CFAP61: variants seen among roughly 807,000 people sequenced by gnomAD.
The protein encoded by CFAP61 is cilia and flagella associated protein 61, also known as cilia- and flagella-associated protein 61.
A neutral mutation model predicts 135.6 loss-of-function variants in CFAP61; 107 were observed. The observed-to-expected ratio is 0.79, with a 90% CI of 0.67 to 0.93. The LOEUF (loss-of-function observed/expected upper bound fraction) is 0.93. Ranked by LOEUF, CFAP61 falls within the 40% of genes least tolerant of loss-of-function variation. The probability of loss-of-function intolerance (pLI) is 0.00; values close to 1 mark genes in which losing one functional copy is unlikely to be tolerated. For missense variants in CFAP61, 1,507 were observed against 1,556.2 expected, an observed-to-expected ratio of 0.97 and a Z score of 0.53; for synonymous variants, 575 against 578.5, an observed-to-expected ratio of 0.99 and a Z score of 0.09.
At chr20:20,188,816 T>C (rs1234766882) in intron 14 of CFAP61, among the ~76,000 whole-genome samples, 1 of 152,234 alleles carries the variant, frequency 6.6e-6, no homozygotes, top group Non-Finnish European at 1.5e-5. Flanking sequence ...AACCAGCACA[T>C]GTTTTAAGAA....
chr20:20,145,690 A>G (rs949156805), intron 9 of CFAP61, among the ~76,000 whole-genome samples: 9 of 152,224 alleles, frequency 5.9e-5, no homozygotes, highest in African/African-American at 1.9e-4. Context: ...GGAAAAGGAT[A>G]CACCATGCCA....
chr20:20,091,077 C>T (rs2047166131), intron 7 of CFAP61, 101 bp downstream of exon 7: 1 of 1,372,104 alleles, frequency 7.3e-7, no homozygotes, highest in African/African-American at 1.4e-5. Flanking sequence ...CTGCCATTGT[C>T]TCCCTGGCCA....
intron 8 of CFAP61, among the ~76,000 whole-genome samples, chr20:20,115,069 A>G (rs2049045892): frequency 6.6e-6 from 1 of 152,164 alleles, no homozygotes; most frequent in Non-Finnish European, 1.5e-5. Context: ...ATTTCAATTT[A>G]GTCTTGATAT....
At position 20,090,940 on chromosome 20, in the gene CFAP61, G is replaced by T. The variant is rs747274818; in HGVS notation, c.663G>T (p.Glu221Asp). The change falls in exon 7 of 27, where the codon GAG becomes GAT. Residue 221 changes from glutamate to aspartate, a missense_variant. Transcript: ENST00000245957. ...YGEYFLAELI[E>D]AQDEENHAVV... is the part of the protein sequence containing the mutation. Reference sequence around the variant, plus strand: ...AATACTTCCTGGCCGAACTAATAGAGGCCCAAGATGAAGAGAATCATGCTG... The same window carrying T: ...AATACTTCCTGGCCGAACTAATAGATGCCCAAGATGAAGAGAATCATGCTG... 5 of 1,614,120 alleles carry T rather than the reference G, an allele frequency of 3.1e-6. No individual in the cohort carries two copies. The Admixed American group carries it at 8.3e-5, about 27-fold the overall frequency.
intron 8 of CFAP61, among the ~76,000 whole-genome samples, chr20:20,114,865 C>A (rs1384813356): frequency 6.6e-6 from 1 of 152,102 alleles, no homozygotes; most frequent in African/African-American, 2.4e-5. Context: ...TGTGAATACT[C>A]ATTATCAGGT....
chr20:20,093,417 C>T (rs973622034), intron 7 of CFAP61, among the ~76,000 whole-genome samples: 2 of 149,064 alleles, frequency 1.3e-5, no homozygotes, highest in African/African-American at 4.9e-5. Flanking sequence ...TATTAAAAAC[C>T]ATTGAATTGT....
At position 20,135,079 on chromosome 20, in the gene CFAP61, A is replaced by C. The variant is rs1206925078; in HGVS notation, c.860-7778A>C. Among the ~76,000 whole-genome samples, 10 of 152,226 alleles carry C rather than the reference A, an allele frequency of 6.6e-5. No homozygotes were observed. The East Asian group carries it at 1.7e-3, about 26-fold the overall frequency. On this transcript the variant is annotated intron_variant, in intron 8 of 26. Coordinates refer to ENST00000245957, the MANE Select transcript of CFAP61 (RefSeq NM_015585.4). ...ATGCTATCACAGGCATCCTGTGATA[A>C]GGGAGAGACAGAGGGAGATTATAAA...
At chr20:20,175,404 CTG>C (rs2054534268) in intron 13 of CFAP61, among the ~76,000 whole-genome samples, 2 of 152,222 alleles carry the variant, frequency 1.3e-5, no homozygotes, top group African/African-American at 2.4e-5. Context: ...TTTTCTGAAT[CTG>C]TGTTGCTAAC....
chr20:20,055,507 A>C (rs1360915001), intron 1 of CFAP61, among the ~76,000 whole-genome samples: 2 of 152,222 alleles, frequency 1.3e-5, no homozygotes, highest in Non-Finnish European at 2.9e-5. Flanking sequence ...AGTGAGGTCC[A>C]TTCTATCCCC....
In CFAP61 at chr20:20,066,428, A is replaced by T. The variant is rs148802538; in HGVS notation, c.144-4426A>T. 1.9e-3 allele frequency among the ~76,000 whole-genome samples: 283 copies of T among 152,352 alleles called. 7 individuals carry two copies. In the East Asian group the frequency reaches 0.042, roughly 23 times the overall value. On this transcript the variant is annotated intron_variant, in intron 2 of 26. Coordinates refer to ENST00000245957, the MANE Select transcript of CFAP61 (RefSeq NM_015585.4). ...AATAGCAAAGACTTGGAACCAACCC[A>T]AATGTCCATCAATAATAGACTGGAT...
rs373873090 is a variant in CFAP61 at position 20,159,335 on chromosome 20, G to C, written c.952-35G>C. ...TGGACTCTAAACCACTGTAGGTGTC[G>C]ATTAATTTTCATGTTTTGCTGTCAT... On this transcript the variant is annotated intron_variant, in intron 9 of 26. Transcript: ENST00000245957. 1.2e-5 allele frequency: 19 copies of C among 1,605,962 alleles called. No individual in the cohort carries two copies. The African/African-American group carries it at 2.3e-4, about 19-fold the overall frequency.
At chr20:20,091,702 G>T (rs1568881034) in intron 7 of CFAP61, among the ~76,000 whole-genome samples, 1 of 151,960 alleles carries the variant, frequency 6.6e-6, no homozygotes, top group Non-Finnish European at 1.5e-5. Context: ...TTTTGAGATG[G>T]AGCCTTGCTC....
chr20:20,228,487 C>T (rs1375683202), intron 18 of CFAP61, 111 bp downstream of exon 18: 3 of 847,022 alleles, frequency 3.5e-6, no homozygotes, highest in Non-Finnish European at 5.6e-6. Context: ...TGGTACTCCA[C>T]ACACCCTGCC....
intron 8 of CFAP61, among the ~76,000 whole-genome samples, chr20:20,135,825 C>G (rs1226541783): frequency 6.6e-6 from 1 of 152,118 alleles, no homozygotes; most frequent in Admixed American, 6.6e-5. Context: ...TTTACTGTTA[C>G]CAATGAGTTT....
At chr20:20,198,874 T>G (rs1290423573) in intron 16 of CFAP61, among the ~76,000 whole-genome samples, 1 of 152,226 alleles carries the variant, frequency 6.6e-6, no homozygotes, top group African/African-American at 2.4e-5. Flanking sequence ...CATCTACAGT[T>G]GTTTTTCTGT....
chr20:20,342,158 C>G (rs1485626135), intron 26 of CFAP61, among the ~76,000 whole-genome samples: 1 of 152,104 alleles, frequency 6.6e-6, no homozygotes, highest in African/African-American at 2.4e-5. Context: ...TTTTAAAGAA[C>G]TGTATTTTTC....
chr20:20,304,523 GCA>G (rs2056337590), intron 25 of CFAP61, among the ~76,000 whole-genome samples: 1 of 151,218 alleles, frequency 6.6e-6, no homozygotes. Context: ...TCACACGTGT[GCA>G]CACACTCATG....
At chr20:20,109,682 G>T (rs1375173602) in intron 8 of CFAP61, among the ~76,000 whole-genome samples, 1 of 152,130 alleles carries the variant, frequency 6.6e-6, no homozygotes, top group Non-Finnish European at 1.5e-5. Flanking sequence ...CTGTAGCTGT[G>T]ATTATATCTC....
At chr20:20,287,814 T>C (rs891587253) in intron 22 of CFAP61, among the ~76,000 whole-genome samples, 2 of 152,228 alleles carry the variant, frequency 1.3e-5, no homozygotes, top group Non-Finnish European at 2.9e-5. Flanking sequence ...CAAAAACAAC[T>C]AACTTGCACT....
Sources: allele counts gnomAD v4.1 joint callset (sites outside exome capture counted in the v4.1 genomes callset), GRCh38; gene constraint gnomAD v4.1.1; transcripts MANE v1.5; gene names NCBI Gene and HGNC (gene_info 2026-07-23, HGNC 2026-07-21).